MYO16: variants seen among roughly 807,000 people sequenced by gnomAD.
The protein encoded by MYO16 is myosin XVI.
MYO16 carries 94 observed loss-of-function variants against 205.3 expected under a neutral mutation model. The observed-to-expected ratio is 0.46, with a 90% CI of 0.39 to 0.54. MYO16 has a LOEUF of 0.54. Ranked by LOEUF, MYO16 falls within the 20% of genes least tolerant of loss-of-function variation. The pLI, the probability that MYO16 is intolerant of heterozygous loss-of-function variation, is 0.00. For synonymous variants in MYO16, 988 were observed against 954.0 expected, an observed-to-expected ratio of 1.04 and a Z score of -0.66; for missense variants, 2,315 against 2,387.5, an observed-to-expected ratio of 0.97 and a Z score of 0.63.
At position 109,141,068 on chromosome 13, in the gene MYO16, C is replaced by G; in HGVS notation, c.4856C>G (p.Pro1619Arg). Residue 1619 changes from proline to arginine, a missense_variant, in exon 32 of 35, where the codon CCG becomes CGG. Pro to Arg is a moderately radical substitution (Grantham distance 103, BLOSUM62 -2). Coordinates refer to ENST00000457511, the MANE Select transcript of MYO16 (RefSeq NM_001198950.3). The surrounding 1 kb of genome is among the most constrained non-coding windows in gnomAD (Gnocchi z 4.1). ...YRPCAHLAFP[P>R]EPAPVNAGKA... ...CCCTGCGCGCACTTGGCCTTCCCGC[C>G]GGAGCCCGCCCCGGTGAACGCGGGG... The G allele has an allele frequency of 7.0e-7, 1 of 1,435,890 alleles. No individual in the cohort carries two copies. Among genetic ancestry groups the G allele is most frequent in the Non-Finnish European group, 9.1e-7 (1 of 1,096,334 alleles). The allele number at this position is 1,435,890 out of a possible 1,614,324, so 88.9% of individuals were successfully genotyped here. A position where few individuals can be genotyped will look rare whatever the true frequency, so the allele number is the denominator to read the frequency against.
At chr13:108,697,309 A>C (rs1171334465) in intron 2 of MYO16, among the ~76,000 whole-genome samples, 1 of 152,064 alleles carries the variant, frequency 6.6e-6, no homozygotes, top group Non-Finnish European at 1.5e-5. Flanking sequence ...TACTTCCGGG[A>C]CCACCCACTC....
intron 23 of MYO16, among the ~76,000 whole-genome samples, chr13:109,041,228 T>C (rs1255705914): frequency 6.6e-6 from 1 of 152,170 alleles, no homozygotes; most frequent in African/African-American, 2.4e-5. Flanking sequence ...AGAAAGACAT[T>C]TCATGTTTAT....
chr13:109,055,640 G>T lies in MYO16; in HGVS notation c.3335+45G>T. 2.0e-6 allele frequency: 3 copies of T among 1,526,532 alleles called. No individual in the cohort carries two copies. The highest frequency in any genetic ancestry group is 2.7e-6 in the Non-Finnish European group (3 of 1,112,516). 94.6% of individuals were successfully genotyped at this position (1,526,532 alleles called of 1,614,324 possible). On this transcript the variant is annotated intron_variant, in intron 27 of 34. Coordinates refer to ENST00000457511, the MANE Select transcript of MYO16 (RefSeq NM_001198950.3). The surrounding 1 kb of genome is among the most constrained non-coding windows in gnomAD (Gnocchi z 5.0). ...AAATCGTCGTTCTCGCTGCTGTTCA[G>T]TGCAGTGTACTGACACTGACACTAT...
intron 4 of MYO16, among the ~76,000 whole-genome samples, chr13:108,767,583 T>C (rs575300670): frequency 6.6e-6 from 1 of 152,302 alleles, no homozygotes; most frequent in East Asian, 1.9e-4. Flanking sequence ...GGGAATACCA[T>C]TTGCAAGCAT....
chr13:108,952,771 G>A (rs1157765118), intron 16 of MYO16, among the ~76,000 whole-genome samples: 2 of 152,176 alleles, frequency 1.3e-5, no homozygotes, highest in Non-Finnish European at 1.5e-5. Context: ...TCTAGATACT[G>A]CCAGTGTTCC....
At chr13:108,533,996 G>T in the MYO16 span, among the ~76,000 whole-genome samples, 1 of 152,064 alleles carries the variant, frequency 6.6e-6, no homozygotes, top group Middle Eastern at 3.4e-3. Flanking sequence ...TTTTATGTTT[G>T]CTCAGATAGG....
At chr13:108,600,475 G>A (rs1001542155) in intron 1 of MYO16, among the ~76,000 whole-genome samples, 3 of 152,120 alleles carry the variant, frequency 2.0e-5, no homozygotes, top group Admixed American at 2.0e-4. Context: ...TATTATTAAC[G>A]CTGCTACTGT....
At chr13:108,923,409 C>T (rs1343980717) in intron 16 of MYO16, among the ~76,000 whole-genome samples, 5 of 152,254 alleles carry the variant, frequency 3.3e-5, no homozygotes, top group Non-Finnish European at 7.3e-5. Flanking sequence ...AGAGTTATTT[C>T]AGAGGAGGGG....
chr13:109,001,740 C>T (rs1262755188), intron 21 of MYO16, among the ~76,000 whole-genome samples: 1 of 152,106 alleles, frequency 6.6e-6, no homozygotes, highest in Non-Finnish European at 1.5e-5. Flanking sequence ...TTATAGTATG[C>T]TTGAAGTGTT....
At chr13:108,508,533 C>A in the MYO16 span, among the ~76,000 whole-genome samples, 3 of 152,116 alleles carry the variant, frequency 2.0e-5, no homozygotes, top group African/African-American at 7.2e-5. Flanking sequence ...CTAAAGTATG[C>A]AAGTTTTGTC....
intron 27 of MYO16, among the ~76,000 whole-genome samples, chr13:109,085,454 C>T (rs1222529607): frequency 2.6e-5 from 4 of 152,188 alleles, no homozygotes; most frequent in East Asian, 1.9e-4. Context: ...GGAGAGAGGG[C>T]GGACCCAGTG....
intron 2 of MYO16, among the ~76,000 whole-genome samples, chr13:108,667,398 G>A (rs1047790403): frequency 2.1e-5 from 3 of 143,220 alleles, no homozygotes; most frequent in Non-Finnish European, 3.0e-5. Flanking sequence ...AAAAACATTT[G>A]GTGTGATCCA....
chr13:108,883,104 C>T lies in MYO16; in HGVS notation c.1471C>T (p.Leu491=), dbSNP rs888332428. 3 of 1,614,144 alleles carry T rather than the reference C, an allele frequency of 1.9e-6. No individual in the cohort carries two copies. Among genetic ancestry groups the T allele is most frequent in the East Asian group, 4.5e-5 (2 of 44,876 alleles). The change falls in exon 13 of 35, where the codon CTG becomes TTG. Residue 491 remains leucine, a synonymous_variant. Coordinates refer to ENST00000457511, the MANE Select transcript of MYO16 (RefSeq NM_001198950.3). The part of the protein sequence containing the change: ...FSSSGKLCSS[L]PPHLFSCVER... ...CTCCTCAGGGAAGCTGTGTTCCTCG[C>T]TGCCTCCTCACCTCTTCTCCTGTGT... is the stretch of plus-strand genomic sequence containing the variant.
chr13:109,054,689 C>A (rs955939920), intron 25 of MYO16, among the ~76,000 whole-genome samples: 1 of 152,072 alleles, frequency 6.6e-6, no homozygotes, highest in African/African-American at 2.4e-5. Flanking sequence ...TGTTATTTTA[C>A]AAATAGTTGC....
the MYO16 span, among the ~76,000 whole-genome samples, chr13:108,510,425 A>ATTTT: frequency 5.2e-5 from 5 of 97,082 alleles, no homozygotes; most frequent in South Asian, 3.9e-4. Context: ...TAGATAGTTA[A>ATTTT]TTTTTTTTTT....
chr13:109,078,197 G>C (rs1172425609), intron 27 of MYO16, among the ~76,000 whole-genome samples: 1 of 151,694 alleles, frequency 6.6e-6, no homozygotes, highest in Non-Finnish European at 1.5e-5. Context: ...TGGAAGGTCA[G>C]GGCAGGCAAA....
chr13:108,640,639 C>T (rs909229910), intron 1 of MYO16, among the ~76,000 whole-genome samples: 6 of 152,062 alleles, frequency 3.9e-5, no homozygotes, highest in African/African-American at 1.2e-4. Flanking sequence ...TCACATTCAC[C>T]CTCTGCCGGT....
the MYO16 span, among the ~76,000 whole-genome samples, chr13:108,568,674 T>A: frequency 6.6e-6 from 1 of 151,972 alleles, no homozygotes; most frequent in Non-Finnish European, 1.5e-5. Flanking sequence ...ATGACAAAAG[T>A]TTTAAATTTG....
chr13:109,178,208 A>C (rs1198503463), intron 33 of MYO16, among the ~76,000 whole-genome samples: 1 of 152,136 alleles, frequency 6.6e-6, no homozygotes, highest in African/African-American at 2.4e-5. Flanking sequence ...CTGCCACCAC[A>C]GTGTCTAAGG....
Sources: gnomAD v4.1 joint callset for allele counts (sites outside exome capture counted in the v4.1 genomes callset) on GRCh38, gnomAD v4.1.1 for gene constraint, Gnocchi (gnomAD v3.1) non-coding constraint, MANE v1.5 for transcripts, NCBI Gene and HGNC (gene_info 2026-07-23, HGNC 2026-07-21) for gene names.